Variants in NCOA1 observed in about 807,000 individuals in gnomAD.
NCOA1 encodes Hin-2 protein.
Under a neutral mutation model 150.9 loss-of-function variants are expected in NCOA1, and 35 were observed. The ratio of observed to expected loss-of-function variants is 0.23; its 90% CI spans 0.18 to 0.31. NCOA1 has a LOEUF of 0.31. Ranked by LOEUF, NCOA1 falls within the 10% of genes least tolerant of loss-of-function variation. The probability of loss-of-function intolerance (pLI) is 1.00; values close to 1 mark genes in which losing one functional copy is unlikely to be tolerated. For synonymous variants in NCOA1, 590 were observed against 630.0 expected, an observed-to-expected ratio of 0.94 and a Z score of 0.95; for missense variants, 1,491 against 1,749.3, an observed-to-expected ratio of 0.85 and a Z score of 2.63.
intron 3 of NCOA1, among the ~76,000 whole-genome samples, chr2:24,598,067 T>C (rs1667955345): frequency 6.6e-6 from 1 of 152,204 alleles, no homozygotes; most frequent in Non-Finnish European, 1.5e-5. Flanking sequence ...CTGAGAATGA[T>C]GGTTTCCAGC....
intron 19 of NCOA1, among the ~76,000 whole-genome samples, chr2:24,742,398 G>A (rs1027832600): frequency 6.6e-6 from 1 of 152,060 alleles, no homozygotes; most frequent in Non-Finnish European, 1.5e-5. Context: ...TGAGATGATT[G>A]AATTAGAGGA....
intron 14 of NCOA1, among the ~76,000 whole-genome samples, chr2:24,717,074 A>G (rs916210073): frequency 3.3e-5 from 5 of 152,208 alleles, no homozygotes; most frequent in African/African-American, 1.2e-4. Flanking sequence ...TGCCCAACTC[A>G]TATGTCATTA....
intron 3 of NCOA1, among the ~76,000 whole-genome samples, chr2:24,634,339 G>A (rs1669838256): frequency 2.6e-5 from 4 of 152,174 alleles, no homozygotes; most frequent in Admixed American, 2.6e-4. Flanking sequence ...TAGATCATAG[G>A]TATTTAGTTG....
chr2:24,568,726 T>G (rs1247744385), intron 2 of NCOA1, among the ~76,000 whole-genome samples: 1 of 152,236 alleles, frequency 6.6e-6, no homozygotes. Context: ...GCAAATATTA[T>G]GCTTGCAGAG....
At chr2:24,722,637 G>A (rs1423896813) in intron 14 of NCOA1, among the ~76,000 whole-genome samples, 1 of 152,106 alleles carries the variant, frequency 6.6e-6, no homozygotes, top group Non-Finnish European at 1.5e-5. Context: ...ATGACCGTGT[G>A]AGGCAGTTGT....
At chr2:24,683,623 T>C (rs1458386054) in intron 8 of NCOA1, among the ~76,000 whole-genome samples, 1 of 152,220 alleles carries the variant, frequency 6.6e-6, no homozygotes, top group African/African-American at 2.4e-5. Context: ...TTCTAGTGTC[T>C]GTTCTATTCA....
At chr2:24,598,567 A>G (rs1374865360) in intron 3 of NCOA1, among the ~76,000 whole-genome samples, 4 of 152,184 alleles carry the variant, frequency 2.6e-5, no homozygotes, top group Non-Finnish European at 4.4e-5. Context: ...TTGGCAGAGA[A>G]GCCTGATAAG....
chr2:24,640,409 AGAGAG>A (rs1670158650), intron 3 of NCOA1, among the ~76,000 whole-genome samples: 4 of 152,164 alleles, frequency 2.6e-5, no homozygotes, highest in Non-Finnish European at 5.9e-5. Flanking sequence ...TCTATTATTG[AGAGAG>A]GAATGTTAAA....
intron 1 of NCOA1, among the ~76,000 whole-genome samples, chr2:24,506,979 T>G (rs1016137899): frequency 3.3e-5 from 5 of 152,252 alleles, no homozygotes; most frequent in African/African-American, 9.6e-5. Context: ...TTATGAAATT[T>G]AGCACTTCTC....
chr2:24,525,983 A>G (rs1309608268), intron 1 of NCOA1, among the ~76,000 whole-genome samples: 1 of 152,150 alleles, frequency 6.6e-6, no homozygotes, highest in Non-Finnish European at 1.5e-5. Context: ...AAGATACTTG[A>G]TGACTGCTTT....
Position 24,770,507 on chromosome 2 carries a change from A to G in NCOA1, c.*2116A>G, listed in dbSNP as rs1231033850. The G allele has an allele frequency of 3.6e-5, 8 of 221,572 alleles. No homozygotes were observed. The East Asian group carries it at 5.3e-4, about 15-fold the overall frequency. The allele number at this position is 221,572 out of a possible 1,614,324, so 13.7% of individuals were successfully genotyped here. On this transcript the variant is annotated 3_prime_UTR_variant, in exon 23 of 23. Coordinates refer to ENST00000348332, the MANE Select transcript of NCOA1 (RefSeq NM_003743.5). ...ATTATTGCTACATTTGAGGAAAATAAAATTGCTTGCTTCTATGTAATTCCT... is the reference window on the plus strand; with the variant it reads ...ATTATTGCTACATTTGAGGAAAATAGAATTGCTTGCTTCTATGTAATTCCT...
chr2:24,760,137 T>C (rs546880710), intron 21 of NCOA1, among the ~76,000 whole-genome samples: 1 of 150,232 alleles, frequency 6.7e-6, no homozygotes, highest in Non-Finnish European at 1.5e-5. Context: ...TTAACTTTTT[T>C]TTTTTCTTTT....
In NCOA1 at chr2:24,752,125, G is replaced by T. The variant is rs1380584970; in HGVS notation, c.3850G>T (p.Ala1284Ser). The T allele has an allele frequency of 1.2e-6, 2 of 1,614,070 alleles. No homozygotes were observed. The highest frequency in any genetic ancestry group is 2.2e-5 in the South Asian group (2 of 91,072). The change falls in exon 20 of 23, where the codon GCC (alanine) becomes TCC (serine). Residue 1284 changes from alanine (A) to serine (S), a missense_variant. Around this residue, in one of 8 missense-constraint regions of NCOA1, gnomAD observed 485 missense variants for 522.8 expected, o/e 0.93. Coordinates refer to ENST00000348332, the MANE Select transcript of NCOA1 (RefSeq NM_003743.5). ...ASGYQSPDMK[A>S]WQQGAIGNNN... The stretch of plus-strand genomic sequence containing the variant: ...CGGGTATCAGTCACCAGACATGAAG[G>T]CCTGGCAGCAAGGAGCGATAGGAAA...
intron 1 of NCOA1, among the ~76,000 whole-genome samples, chr2:24,528,006 A>T (rs1208159127): frequency 6.6e-6 from 1 of 151,998 alleles, no homozygotes; most frequent in African/African-American, 2.4e-5. Context: ...CCATTTTTTA[A>T]TTGAGTTATA....
chr2:24,498,261 G>A (rs918341257), intron 1 of NCOA1, among the ~76,000 whole-genome samples: 4 of 152,194 alleles, frequency 2.6e-5, no homozygotes, highest in Admixed American at 2.0e-4. Context: ...CGGTCAAGAC[G>A]TAGTTATATG....
intron 2 of NCOA1, among the ~76,000 whole-genome samples, chr2:24,568,144 T>G (rs918548929): frequency 6.6e-6 from 1 of 152,196 alleles, no homozygotes; most frequent in African/African-American, 2.4e-5. Flanking sequence ...TGAAGAAAAG[T>G]GAAAAATCTC....
At chr2:24,618,221 A>C (rs188387670) in intron 3 of NCOA1, among the ~76,000 whole-genome samples, 17 of 152,314 alleles carry the variant, frequency 1.1e-4, no homozygotes, top group Admixed American at 6.5e-4. Context: ...TTGTTGAATT[A>C]GTTTAATAAT....
chr2:24,727,089 G>A (rs1324919695), intron 15 of NCOA1, among the ~76,000 whole-genome samples: 1 of 136,362 alleles, frequency 7.3e-6, no homozygotes, highest in Non-Finnish European at 1.5e-5. Context: ...AGTGAGCCAA[G>A]ATTGCGCCAT....
At chr2:24,648,616 G>C (rs1558872046) in intron 4 of NCOA1, among the ~76,000 whole-genome samples, 1 of 152,112 alleles carries the variant, frequency 6.6e-6, no homozygotes, top group Non-Finnish European at 1.5e-5. Flanking sequence ...CAGGTTGGGA[G>C]GGTGACCCTG....
Sources: gnomAD v4.1 joint callset for allele counts (sites outside exome capture counted in the v4.1 genomes callset) on GRCh38, gnomAD v4.1.1 for gene constraint, gnomAD v4.1.1 regional missense constraint, MANE v1.5 for transcripts, NCBI Gene and HGNC (gene_info 2026-07-23, HGNC 2026-07-21) for gene names.